XRCC4: variants seen among roughly 807,000 people sequenced by gnomAD.
The protein encoded by XRCC4 is DNA repair protein XRCC4.
Under a neutral mutation model 39.1 loss-of-function variants are expected in XRCC4, and 28 were observed. That is an observed-to-expected ratio of 0.72 (90% CI 0.53 to 0.98). The LOEUF is 0.98. Among genes scored for constraint, XRCC4 ranks in the 50% least tolerant of loss-of-function variants. The pLI is 0.00. For missense variants in XRCC4, 350 were observed against 376.4 expected (o/e 0.93, Z 0.58); for synonymous variants, 123 against 126.4 (o/e 0.97, Z 0.18).
chr5:83,160,318 G>T (rs771872437), intron 3 of XRCC4, among the ~76,000 whole-genome samples: 2 of 152,114 alleles, frequency 1.3e-5, no homozygotes, highest in Non-Finnish European at 1.5e-5. Context: ...ACAACAATCA[G>T]CTTTCAAATT....
intron 3 of XRCC4, among the ~76,000 whole-genome samples, chr5:83,119,674 G>C (rs568520482): frequency 1.8e-4 from 27 of 152,070 alleles, no homozygotes; most frequent in African/African-American, 6.5e-4. Flanking sequence ...CTTAGCATAA[G>C]AACAGAGCAG....
chr5:83,154,018 G>A (rs1268884417), intron 3 of XRCC4, among the ~76,000 whole-genome samples: 1 of 152,168 alleles, frequency 6.6e-6, no homozygotes, highest in East Asian at 1.9e-4. Context: ...GAGAAAGCTA[G>A]TTGGATTTTT....
chr5:83,323,200 T>A (rs968592089), intron 7 of XRCC4, among the ~76,000 whole-genome samples: 3 of 152,070 alleles, frequency 2.0e-5, no homozygotes, highest in Non-Finnish European at 2.9e-5. Flanking sequence ...GTGAGTTTTA[T>A]AATGCAAAAT....
chr5:83,231,776 G>A (rs746036629), intron 6 of XRCC4, among the ~76,000 whole-genome samples: 7 of 151,974 alleles, frequency 4.6e-5, no homozygotes, highest in Non-Finnish European at 7.4e-5. Flanking sequence ...TAAACATTGC[G>A]TTATATCCAA....
the XRCC4 span, among the ~76,000 whole-genome samples, chr5:83,361,338 T>C: frequency 6.6e-6 from 1 of 152,178 alleles, no homozygotes; most frequent in South Asian, 2.1e-4. Context: ...GTCCTAAAGA[T>C]TTTTATGAGT....
At chr5:83,211,867 CA>C (rs1046429721) in intron 6 of XRCC4, among the ~76,000 whole-genome samples, 4 of 152,082 alleles carry the variant, frequency 2.6e-5, no homozygotes, top group African/African-American at 9.7e-5. Context: ...GCAACAGTAG[CA>C]AACTTCAGAA....
At chr5:83,094,882 ATCTTT>A in intron 1 of XRCC4, among the ~76,000 whole-genome samples, 1 of 102,456 alleles carries the variant, frequency 9.8e-6, no homozygotes, top group African/African-American at 3.9e-5. Context: ...TTATTCTGAA[ATCTTT>A]TTTTTTTTTT....
At chr5:83,198,712 GA>G (rs1751052832) in intron 4 of XRCC4, among the ~76,000 whole-genome samples, 1 of 152,104 alleles carries the variant, frequency 6.6e-6, no homozygotes, top group Non-Finnish European at 1.5e-5. Context: ...TGAGGAATGA[GA>G]AATTACAGCA....
At chr5:83,368,352 G>A in the XRCC4 span, among the ~76,000 whole-genome samples, 1 of 152,164 alleles carries the variant, frequency 6.6e-6, no homozygotes, top group Non-Finnish European at 1.5e-5. Context: ...AGGGCCTGGT[G>A]CACAAGAATG....
In XRCC4 at chr5:83,325,141, T is replaced by C. The variant is rs144152779; in HGVS notation, c.894-27990T>C. Among the ~76,000 whole-genome samples, 39 of 152,234 alleles carry C rather than the reference T, an allele frequency of 2.6e-4. 1 individual carries two copies. Among genetic ancestry groups the C allele is most frequent in the Middle Eastern group, 3.4e-3 (1 of 294 alleles). Reference sequence around the variant, plus strand: ...TGAGGCTGGAAATGTTTCTGCCTCCTAATAAAAGCTATCACATATTTGAGC... The same window carrying C: ...TGAGGCTGGAAATGTTTCTGCCTCCCAATAAAAGCTATCACATATTTGAGC... On this transcript the variant is annotated intron_variant, in intron 7 of 7. Transcript: ENST00000396027.
chr5:83,183,436 G>T (rs1034523627), intron 3 of XRCC4, among the ~76,000 whole-genome samples: 1 of 151,354 alleles, frequency 6.6e-6, no homozygotes, highest in Non-Finnish European at 1.5e-5. Flanking sequence ...GTGTGTGTGT[G>T]TGTGTGTGTG....
rs138475352 is a variant in XRCC4, at chr5:83,117,671, G to A, written c.315+6468G>A. 9.7e-4 allele frequency among the ~76,000 whole-genome samples: 97 copies of A among 99,752 alleles called. 2 individuals carry two copies. The highest frequency in any genetic ancestry group is 6.6e-3 in the East Asian group (21 of 3,170). The allele number at this position is 99,752 out of a possible 152,430, so 65.4% of individuals were successfully genotyped here. ...TGTGTGTGTGTGTGTGTGTGTGTGT[G>A]TGTATGTATGTATATGTATGTATAT... On this transcript the variant is annotated intron_variant, in intron 3 of 7. Transcript: ENST00000396027.
intron 6 of XRCC4, among the ~76,000 whole-genome samples, chr5:83,245,839 C>T (rs940851029): frequency 7.1e-6 from 1 of 140,792 alleles, no homozygotes; most frequent in Non-Finnish European, 1.5e-5. Context: ...TCACTCCCCC[C>T]CTCCATCTGT....
At chr5:83,287,352 T>A (rs1372162169) in intron 7 of XRCC4, among the ~76,000 whole-genome samples, 1 of 152,088 alleles carries the variant, frequency 6.6e-6, no homozygotes, top group Non-Finnish European at 1.5e-5. Flanking sequence ...CCCAATATCC[T>A]AGTGTAACAG....
chr5:83,369,039 C>T, the XRCC4 span, among the ~76,000 whole-genome samples: 1 of 152,090 alleles, frequency 6.6e-6, no homozygotes, highest in South Asian at 2.1e-4. Flanking sequence ...GTATTAGAAA[C>T]GTTACTAGCA....
At chr5:83,133,578 C>A (rs1404524281) in intron 3 of XRCC4, among the ~76,000 whole-genome samples, 1 of 152,220 alleles carries the variant, frequency 6.6e-6, no homozygotes, top group African/African-American at 2.4e-5. Context: ...CTACTCAAGC[C>A]TCAGCAATGG....
intron 7 of XRCC4, among the ~76,000 whole-genome samples, chr5:83,328,980 C>T (rs1756352620): frequency 6.6e-6 from 1 of 151,630 alleles, no homozygotes; most frequent in Admixed American, 6.6e-5. Flanking sequence ...TTATGTTGCC[C>T]AGACTGGACT....
At chr5:83,131,543 G>A (rs1018355269) in intron 3 of XRCC4, among the ~76,000 whole-genome samples, 5 of 152,038 alleles carry the variant, frequency 3.3e-5, no homozygotes, top group African/African-American at 9.7e-5. Flanking sequence ...AAGGACTTGC[G>A]TTTTGAATCT....
intron 3 of XRCC4, among the ~76,000 whole-genome samples, chr5:83,113,924 C>T (rs1005300611): frequency 2.0e-5 from 3 of 152,228 alleles, no homozygotes; most frequent in African/African-American, 2.4e-5. Flanking sequence ...CCGCACCCAG[C>T]GCAGACATTT....
Sources: allele counts gnomAD v4.1 joint callset (sites outside exome capture counted in the v4.1 genomes callset), GRCh38; gene constraint gnomAD v4.1.1; transcripts MANE v1.5; gene names NCBI Gene and HGNC (gene_info 2026-07-23, HGNC 2026-07-21).